Variants in PRRC2A observed in about 807,000 individuals in gnomAD.
The protein encoded by PRRC2A is proline rich coiled-coil 2A.
A neutral mutation model predicts 224.6 loss-of-function variants in PRRC2A; 59 were observed. The observed-to-expected ratio is 0.26, with a 90% CI of 0.21 to 0.33. The LOEUF is 0.33. PRRC2A is among the 10% of genes least tolerant of loss of function. PRRC2A has a pLI of 1.00. For missense variants in PRRC2A, 3,095 were observed against 2,880.7 expected, an observed-to-expected ratio of 1.07 and a Z score of -1.70; for synonymous variants, 1,194 against 1,109.5, an observed-to-expected ratio of 1.08 and a Z score of -1.51.
At position 31,631,518 on chromosome 6, in the gene PRRC2A, G is replaced by A. The variant is rs1451538050; in HGVS notation, c.2845G>A (p.Ala949Thr). The A allele has an allele frequency of 6.3e-7, 1 of 1,599,972 alleles. No individual in the cohort carries two copies. The highest frequency in any genetic ancestry group is 8.5e-7 in the Non-Finnish European group (1 of 1,175,918). ...GGAGCCAGGGGCCCCACCCCGCCGG[G>A]CTGGGCCTATAAAGAAACCTCCACC... ...PEEPGAPPRRAGPIKKPPPPT... is the reference protein window; with the variant it reads ...PEEPGAPPRRTGPIKKPPPPT... The change falls in exon 16 of 31, where the codon GCT (alanine) becomes ACT (threonine). Residue 949 changes from alanine to threonine, a missense_variant. Ala to Thr is a moderately conservative substitution (Grantham distance 58). Around this residue, in one of 8 missense-constraint regions of PRRC2A, gnomAD observed 2,001 missense variants for 1,764.9 expected, o/e 1.13. Coordinates refer to ENST00000376033, the MANE Select transcript of PRRC2A (RefSeq NM_004638.4). This position sits in a 1 kb window ranked among gnomAD's most constrained non-coding sequence, Gnocchi z 4.5.
chr6:31,635,388 T>C lies in PRRC2A; in HGVS notation c.5302-6T>C. The C allele has an allele frequency of 6.2e-7, 1 of 1,614,190 alleles. No homozygotes were observed. Among genetic ancestry groups the C allele is most frequent in the Non-Finnish European group, 8.5e-7 (1 of 1,180,006 alleles). On this transcript the variant is annotated splice_region_variant and splice_polypyrimidine_tract_variant and intron_variant, in intron 22 of 30. Coordinates refer to ENST00000376033, the MANE Select transcript of PRRC2A (RefSeq NM_004638.4). ...GACAATGTCTCCTGCCTTCTTGTGA[T>C]CACAGGACTCAGACTTACGCCTAGT...
At position 31,636,267 on chromosome 6, in the gene PRRC2A, T is replaced by G. The variant is rs3132453; in HGVS notation, c.5683T>G (p.Leu1895Val). The G allele has an allele frequency of 0.94, 1,509,679 of 1,612,854 alleles. 707,474 individuals carry two copies. Among genetic ancestry groups the G allele is most frequent in the East Asian group, 1 (44,881 of 44,884 alleles). ...CCCTCCCTCAGCACTGCTCTCTGGG[T>G]TAGCTCTCAAGGGCCAGTTTCTGGA... ...PAPPSALLSG[L>V]ALKGQFLDFS... Residue 1895 changes from leucine (L) to valine (V), a missense_variant, in exon 26 of 31, where the codon TTA (leucine) becomes GTA (valine). By Grantham distance (32) the Leu-to-Val change is conservative. Coordinates refer to ENST00000376033, the MANE Select transcript of PRRC2A (RefSeq NM_004638.4). This position sits in a 1 kb window ranked among gnomAD's most constrained non-coding sequence, Gnocchi z 4.3.
intron 22 of PRRC2A, 60 bp from the exon 23 acceptor site, chr6:31,635,334 G>A (rs1394973030): frequency 1.2e-6 from 2 of 1,613,650 alleles, no homozygotes; most frequent in Non-Finnish European, 1.7e-6. Flanking sequence ...GACTAAAGGT[G>A]GGACATAGAG....
Position 31,631,470 on chromosome 6 carries a change from AGTC to A in PRRC2A, c.2803_2805del (p.Arg935del), listed in dbSNP as rs765611601. ...CCGCTGGGGCCCTCGTCCAGGGAGC[AGTC>A]GTCGTGGAATCCCTCCAGAGGAGCC... On this transcript the variant is annotated inframe_deletion, in exon 16 of 31. Transcript: ENST00000376033. The surrounding 1 kb of genome is among the most constrained non-coding windows in gnomAD (Gnocchi z 4.5). 1.1e-4 allele frequency: 180 copies of A among 1,610,246 alleles called. No homozygotes were observed. The highest frequency in any genetic ancestry group is 1.4e-4 in the Non-Finnish European group (169 of 1,178,788).
chr6:31,637,536 G>C lies in PRRC2A; in HGVS notation c.6424G>C (p.Glu2142Gln), dbSNP rs1324081511. ...AGAAGGGCCCTCCCGACGGGCAGAG[G>C]AGCCTGGGTCCCGAGGGGACAAGGA... ...PREGPSRRAE[E>Q]PGSRGDKEPG... Residue 2142 changes from glutamate to glutamine, a missense_variant, in exon 31 of 31, where the codon GAG becomes CAG. Transcript: ENST00000376033. The C allele has an allele frequency of 6.3e-7, 1 of 1,592,874 alleles. No individual in the cohort carries two copies. Among genetic ancestry groups the C allele is most frequent in the South Asian group, 1.1e-5 (1 of 88,654 alleles).
chr6:31,626,148 A>G lies in PRRC2A; in HGVS notation c.968A>G (p.Asp323Gly). Residue 323 changes from aspartate to glycine, a missense_variant, in exon 9 of 31, where the codon GAT (aspartate) becomes GGT (glycine). This residue lies in a region of PRRC2A where 287 missense variants were observed against 275.3 expected (regional missense o/e 1.04). Coordinates refer to ENST00000376033, the MANE Select transcript of PRRC2A (RefSeq NM_004638.4). The stretch of plus-strand genomic sequence containing the variant: ...TTTGATCAGTTGGATCAGGAGAATG[A>G]TGATGGTTGGGCAGGTAAGTGGATA... Reference protein sequence around the residue: ...KEFDQLDQENDDGWAGAHEEV... With the variant: ...KEFDQLDQENGDGWAGAHEEV... 3.1e-6 allele frequency: 5 copies of G among 1,612,724 alleles called. No homozygotes were observed. The highest frequency in any genetic ancestry group is 4.2e-6 in the Non-Finnish European group (5 of 1,179,844).
At chr6:31,634,431 C>G in intron 19 of PRRC2A, 41 bp from the exon 20 acceptor site, 2 of 1,612,464 alleles carry the variant, frequency 1.2e-6, no homozygotes, top group Non-Finnish European at 1.7e-6. Flanking sequence ...TCTGAACTGT[C>G]ATCTCCTCAC....
At chr6:31,620,939 C>CGGCGGTGGT (rs879226222) in intron 1 of PRRC2A, 81 bp downstream of exon 1, 2 of 157,114 alleles carry the variant, frequency 1.3e-5, no homozygotes, top group African/African-American at 2.4e-5. Context: ...GCGGCGGCGG[C>CGGCGGTGGT]GGTGGTGGGC....
At chr6:31,622,653 C>G in intron 1 of PRRC2A, 37 bp from the exon 2 acceptor site, 1 of 656,250 alleles carries the variant, frequency 1.5e-6, no homozygotes, top group East Asian at 2.7e-5. Flanking sequence ...AATGATAATG[C>G]AATGGAGTTT....
rs766293194 is a variant in PRRC2A at position 31,625,463 on chromosome 6, C to T, written c.611C>T (p.Ser204Phe). The change falls in exon 7 of 31, where the codon TCT (serine) becomes TTT (phenylalanine). Residue 204 changes from serine to phenylalanine, a missense_variant. Around this residue, in one of 8 missense-constraint regions of PRRC2A, gnomAD observed 287 missense variants for 275.3 expected, o/e 1.04. Transcript: ENST00000376033. This position sits in a 1 kb window ranked among gnomAD's most constrained non-coding sequence, Gnocchi z 4.1. ...CTCTACCTTTTCCAAAATACAGATT[C>T]TACAACTTGGAGGGACGGAGGTGGG... is the stretch of plus-strand genomic sequence containing the variant. ...GPGPSLRPQN[S>F]TTWRDGGGRG... 6 of 1,598,446 alleles carry T rather than the reference C, an allele frequency of 3.8e-6. No homozygotes were observed. Among genetic ancestry groups the T allele is most frequent in the Non-Finnish European group, 5.1e-6 (6 of 1,168,430 alleles).
Position 31,631,715 on chromosome 6 carries a change from G to A in PRRC2A, c.3042G>A (p.Ser1014=), listed in dbSNP as rs751173699. Residue 1014 remains serine (S), a synonymous_variant, in exon 16 of 31, where the codon TCG becomes TCA. Transcript: ENST00000376033. This position sits in a 1 kb window ranked among gnomAD's most constrained non-coding sequence, Gnocchi z 4.5. The part of the protein sequence containing the change: ...SPAPRLRRDY[S]YERVGPTSCR... ...CCCCAAGGCTTCGGAGGGACTATTC[G>A]TATGAAAGAGTGGGTCCTACCTCTT... 20 of 1,519,232 alleles carry A rather than the reference G, an allele frequency of 1.3e-5. No homozygotes were observed. Among genetic ancestry groups the A allele is most frequent in the South Asian group, 2.6e-5 (2 of 76,012 alleles). The allele number at this position is 1,519,232 out of a possible 1,614,324, so 94.1% of individuals were successfully genotyped here.
At chr6:31,628,381 A>T in intron 12 of PRRC2A, 142 bp downstream of exon 12, 1 of 1,365,990 alleles carries the variant, frequency 7.3e-7, no homozygotes, top group Admixed American at 2.9e-5. Flanking sequence ...GTGTTCTATC[A>T]TTTGTATATC....
intron 18 of PRRC2A, 59 bp downstream of exon 18, chr6:31,634,048 GGTTAT>G: frequency 6.3e-7 from 1 of 1,585,220 alleles, no homozygotes; most frequent in South Asian, 1.2e-5. Flanking sequence ...AATTCTTCTG[GGTTAT>G]GTTTTCTCTG....
In PRRC2A at chr6:31,622,814, G is replaced by A. The variant is rs1775444804; in HGVS notation, c.25G>A (p.Ala9Thr). 1 of 1,614,038 alleles carries A rather than the reference G, an allele frequency of 6.2e-7. No homozygotes were observed. Among genetic ancestry groups the A allele is most frequent in the Non-Finnish European group, 8.5e-7 (1 of 1,180,000 alleles). MSDRSGPTAKGKDGKKYSS... is the reference protein window; with the variant it reads MSDRSGPTTKGKDGKKYSS... ...AATGTCCGATCGCTCGGGGCCGACT[G>A]CCAAGGGAAAGGATGGAAAGAAGTA... The change falls in exon 2 of 31, where the codon GCC becomes ACC. Residue 9 changes from alanine (A) to threonine (T), a missense_variant. Ala to Thr is a moderately conservative substitution (Grantham distance 58). Around this residue, in one of 8 missense-constraint regions of PRRC2A, gnomAD observed 64 missense variants for 68.2 expected, o/e 0.94. Transcript: ENST00000376033.
Position 31,636,135 on chromosome 6 carries a change from A to AC in PRRC2A, c.5625-74_5625-73insC. The AC allele has an allele frequency of 6.4e-7, 1 of 1,563,102 alleles. No individual in the cohort carries two copies. Among genetic ancestry groups the AC allele is most frequent in the South Asian group, 1.1e-5 (1 of 89,942 alleles). ...GGGGAAGACACAGTTCTAGGGTACT[A>AC]GAAGCTAGTGGACTTAAGGCATTGC... On this transcript the variant is annotated intron_variant, in intron 25 of 30. Transcript: ENST00000376033. This position sits in a 1 kb window ranked among gnomAD's most constrained non-coding sequence, Gnocchi z 4.3.
rs773904652 is a variant in PRRC2A, at chr6:31,633,525, G to A, written c.4466G>A (p.Ser1489Asn). Residue 1489 changes from serine (S) to asparagine (N), a missense_variant, in exon 17 of 31, where the codon AGT becomes AAT. Physicochemically the swap from Ser to Asn is conservative, Grantham distance 46. Coordinates refer to ENST00000376033, the MANE Select transcript of PRRC2A (RefSeq NM_004638.4). ...ALAQLSSRQGSVTAPGGHPRH... is the reference protein window; with the variant it reads ...ALAQLSSRQGNVTAPGGHPRH... The stretch of plus-strand genomic sequence containing the variant: ...GCCCAGCTTAGTAGCCGTCAAGGGA[G>A]TGTAACTGCACCAGGGGGTCATCCA... 7 of 1,613,122 alleles carry A rather than the reference G, an allele frequency of 4.3e-6. 1 individual carries two copies. The South Asian group carries it at 6.6e-5, about 15-fold the overall frequency.
intron 14 of PRRC2A, 118 bp from the exon 15 acceptor site, chr6:31,630,473 C>T (rs909507158): frequency 7.1e-6 from 7 of 985,354 alleles, no homozygotes; most frequent in Non-Finnish European, 1.1e-5. Flanking sequence ...AGGCAAGGCC[C>T]GGACCTACTG....
intron 1 of PRRC2A, among the ~76,000 whole-genome samples, chr6:31,621,367 T>C (rs947531341): frequency 1.1e-4 from 17 of 152,212 alleles, no homozygotes; most frequent in African/African-American, 4.1e-4. Context: ...GCATCTTTGC[T>C]TTCTATGTTG....
In PRRC2A at chr6:31,627,233, C is replaced by CT. The variant is rs753379912; in HGVS notation, c.1290+36dup. ...TCCAATAAGGGATTGAGAGGGTCAG[C>CT]TGTGGGAAATTGGTGTCAGCTGAGT... On this transcript the variant is annotated intron_variant, in intron 11 of 30. Transcript: ENST00000376033. The surrounding 1 kb of genome is among the most constrained non-coding windows in gnomAD (Gnocchi z 5.6). 1.9e-5 allele frequency: 27 copies of CT among 1,449,196 alleles called. No individual in the cohort carries two copies. The highest frequency in any genetic ancestry group is 1.6e-5 in the Non-Finnish European group (17 of 1,046,004). 89.8% of individuals were successfully genotyped at this position (1,449,196 alleles called of 1,614,324 possible). A position where few individuals can be genotyped will look rare whatever the true frequency, so the allele number is the denominator to read the frequency against.
Sources: gnomAD v4.1 joint callset for allele counts (sites outside exome capture counted in the v4.1 genomes callset) on GRCh38, gnomAD v4.1.1 for gene constraint, gnomAD v4.1.1 regional missense constraint, Gnocchi (gnomAD v3.1) non-coding constraint, MANE v1.5 for transcripts, NCBI Gene and HGNC (gene_info 2026-07-23, HGNC 2026-07-21) for gene names.